GPHN: variants seen among roughly 807,000 people sequenced by gnomAD.
The protein encoded by GPHN is gephyrin.
In GPHN, 17 loss-of-function variants were observed where a neutral mutation model predicts 95.5. That is an observed-to-expected ratio of 0.18 (90% confidence interval 0.12 to 0.27). GPHN has a LOEUF of 0.27. Among genes scored for constraint, GPHN ranks in the 10% least tolerant of loss-of-function variants. GPHN has a pLI of 1.00. For missense variants in GPHN, 660 were observed against 978.1 expected (o/e 0.67, Z 4.34); for synonymous variants, 320 against 322.5 (o/e 0.99, Z 0.08).
intron 9 of GPHN, among the ~76,000 whole-genome samples, chr14:67,011,599 A>C (rs1165983028): frequency 6.7e-6 from 1 of 149,242 alleles, no homozygotes; most frequent in African/African-American, 2.5e-5. Context: ...AAAAAAAAGA[A>C]GGAAAATTAG....
chr14:67,084,942 C>T (rs1006996240), intron 11 of GPHN, among the ~76,000 whole-genome samples: 1 of 152,212 alleles, frequency 6.6e-6, no homozygotes, highest in African/African-American at 2.4e-5. Context: ...AAAGGTCAAT[C>T]GCAGTGTAAA....
chr14:67,014,501 C>CGACT (rs996138542), intron 9 of GPHN, among the ~76,000 whole-genome samples: 3 of 151,946 alleles, frequency 2.0e-5, no homozygotes, highest in African/African-American at 7.3e-5. Flanking sequence ...GAGAAACAGT[C>CGACT]AAGAGCAAAG....
intron 8 of GPHN, among the ~76,000 whole-genome samples, chr14:66,929,102 C>T (rs1433760914): frequency 1.4e-5 from 2 of 144,952 alleles, no homozygotes; most frequent in Non-Finnish European, 3.0e-5. Flanking sequence ...GTTGCCCAAG[C>T]TAGAGTACAG....
chr14:67,212,066 G>T, the GPHN span, among the ~76,000 whole-genome samples: 1 of 151,896 alleles, frequency 6.6e-6, no homozygotes, highest in African/African-American at 2.4e-5. Context: ...ATGAATAATA[G>T]AATGCATGCT....
intron 1 of GPHN, among the ~76,000 whole-genome samples, chr14:66,542,180 C>T (rs879689569): frequency 7.9e-5 from 12 of 152,268 alleles, no homozygotes; most frequent in South Asian, 2.1e-4. Flanking sequence ...CAGCTATATA[C>T]GTCGAGAGGA....
chr14:67,028,003 A>G (rs1594862972), intron 10 of GPHN, among the ~76,000 whole-genome samples: 1 of 152,136 alleles, frequency 6.6e-6, no homozygotes, highest in Admixed American at 6.5e-5. Flanking sequence ...GTATGTTTGT[A>G]CCTTTTAGCC....
At chr14:67,481,725 C>T in the GPHN span, among the ~76,000 whole-genome samples, 3 of 152,212 alleles carry the variant, frequency 2.0e-5, no homozygotes, top group Non-Finnish European at 4.4e-5. Flanking sequence ...TGACAGGCCT[C>T]TATTCCCTGC....
chr14:67,260,032 C>G, the GPHN span, among the ~76,000 whole-genome samples: 1 of 152,088 alleles, frequency 6.6e-6, no homozygotes, highest in Admixed American at 6.6e-5. Context: ...GAGATTTAAA[C>G]AGAAACTATT....
the GPHN span, among the ~76,000 whole-genome samples, chr14:67,350,418 T>G: frequency 4.6e-5 from 7 of 152,364 alleles, no homozygotes; most frequent in East Asian, 9.6e-4. Flanking sequence ...ATCCTGCGCC[T>G]GCAACTATGT....
the GPHN span, among the ~76,000 whole-genome samples, chr14:67,196,223 CTTT>C: frequency 2.1e-5 from 3 of 143,110 alleles, no homozygotes. Flanking sequence ...TTCTTTCTTT[CTTT>C]TTTTTTTTTG....
chr14:67,050,598 T>C (rs2075261812), intron 10 of GPHN, among the ~76,000 whole-genome samples: 1 of 152,122 alleles, frequency 6.6e-6, no homozygotes, highest in Non-Finnish European at 1.5e-5. Flanking sequence ...AGGTATAACA[T>C]TACTTTAGTG....
chr14:67,016,633 C>G (rs576964863), intron 9 of GPHN, among the ~76,000 whole-genome samples: 1 of 152,174 alleles, frequency 6.6e-6, no homozygotes, highest in East Asian at 1.9e-4. Context: ...TAGAAACATC[C>G]ATATTTTGCA....
chr14:67,413,630 A>T, the GPHN span, among the ~76,000 whole-genome samples: 1 of 152,162 alleles, frequency 6.6e-6, no homozygotes, highest in Admixed American at 6.5e-5. Context: ...TAGTAGACAT[A>T]TTACATCCCC....
intron 11 of GPHN, among the ~76,000 whole-genome samples, chr14:67,085,429 C>A (rs909936883): frequency 6.6e-6 from 1 of 152,200 alleles, no homozygotes; most frequent in East Asian, 1.9e-4. Flanking sequence ...CATTATTTCT[C>A]TCCTCAGAGT....
At chr14:67,007,313 T>G (rs1469509016) in intron 9 of GPHN, among the ~76,000 whole-genome samples, 4 of 152,224 alleles carry the variant, frequency 2.6e-5, no homozygotes, top group Non-Finnish European at 5.9e-5. Flanking sequence ...TTTGCTTAAT[T>G]TATTAATGTA....
the GPHN span, among the ~76,000 whole-genome samples, chr14:67,291,780 T>C: frequency 9.9e-5 from 15 of 152,184 alleles, no homozygotes; most frequent in Admixed American, 3.9e-4. Context: ...TCAACTTCCT[T>C]ACTAGTCAAA....
chr14:67,047,383 T>TTTTA (rs2075087697), intron 10 of GPHN, among the ~76,000 whole-genome samples: 1 of 144,328 alleles, frequency 6.9e-6, no homozygotes. Context: ...TTTTTTTTTT[T>TTTTA]GAGACAGAGT....
chr14:66,924,943 G>GA (rs556408140), intron 8 of GPHN, among the ~76,000 whole-genome samples: 28 of 148,282 alleles, frequency 1.9e-4, no homozygotes, highest in African/African-American at 5.0e-4. Context: ...GACATTGGAT[G>GA]AAAAAAAAAC....
intron 1 of GPHN, among the ~76,000 whole-genome samples, chr14:66,578,235 C>T (rs902415360): frequency 1.3e-5 from 2 of 151,106 alleles, no homozygotes; most frequent in African/African-American, 4.9e-5. Context: ...GATCAGTAAG[C>T]TCACAGACTG....
Sources: allele counts gnomAD v4.1 joint callset (sites outside exome capture counted in the v4.1 genomes callset), GRCh38; gene constraint gnomAD v4.1.1; transcripts MANE v1.5; gene names NCBI Gene and HGNC (gene_info 2026-07-23, HGNC 2026-07-21).